CADM2: variants seen among roughly 807,000 people sequenced by gnomAD.
CADM2 encodes cell adhesion molecule 2.
In CADM2, 12 loss-of-function variants were observed where a neutral mutation model predicts 49.8. The observed-to-expected ratio is 0.24, with a 90% confidence interval of 0.15 to 0.39. CADM2 has a LOEUF of 0.39. Ranked by LOEUF, CADM2 falls within the 10% of genes least tolerant of loss-of-function variation. The pLI is 1.00. For synonymous variants in CADM2, 214 were observed against 175.4 expected (o/e 1.22, Z -1.74); for missense variants, 378 against 492.3 (o/e 0.77, Z 2.20).
chr3:85,878,677 G>A (rs1404182498), intron 3 of CADM2, among the ~76,000 whole-genome samples: 8 of 152,002 alleles, frequency 5.3e-5, no homozygotes, highest in Non-Finnish European at 1.2e-4. Flanking sequence ...CAAGTCTTTT[G>A]ATTTCAAATC....
chr3:85,960,212 T>C (rs576617372), intron 7 of CADM2, among the ~76,000 whole-genome samples: 2 of 152,128 alleles, frequency 1.3e-5, no homozygotes, highest in South Asian at 2.1e-4. Context: ...TCACAACTTT[T>C]ATCCCTTCTA....
intron 1 of CADM2, among the ~76,000 whole-genome samples, chr3:85,701,910 T>TAGAA (rs1302635676): frequency 7.5e-6 from 1 of 132,808 alleles, no homozygotes; most frequent in African/African-American, 2.9e-5. Context: ...GATAGATAGA[T>TAGAA]ATAAAGAAAA....
At chr3:85,044,360 A>G (rs530163142) in intron 1 of CADM2, among the ~76,000 whole-genome samples, 3 of 152,262 alleles carry the variant, frequency 2.0e-5, no homozygotes, top group South Asian at 4.1e-4. Flanking sequence ...TTAAAATGCA[A>G]TCCTCAAAGC....
At chr3:85,463,635 C>T (rs6549027) in intron 1 of CADM2, among the ~76,000 whole-genome samples, 117,151 of 152,050 alleles carry the variant, frequency 0.77, 47,442 homozygotes, top group East Asian at 0.95. Flanking sequence ...TCTTTACATT[C>T]CCATGTTCAA....
Position 85,518,399 on chromosome 3 carries a change from C to T in CADM2, c.62-208123C>T, listed in dbSNP as rs116373131. Among the ~76,000 whole-genome samples the T allele has an allele frequency of 8.7e-3, 1,316 of 151,092 alleles. 27 individuals carry two copies. The highest frequency in any genetic ancestry group is 0.031 in the African/African-American group (1,269 of 40,860). On this transcript the variant is annotated intron_variant, in intron 1 of 9. Transcript: ENST00000383699. Reference sequence around the variant, plus strand: ...TCTTTAACATTCATATTCTTACCAACATTTCGTTTAAAACAATCTAGGCTT... The same window carrying T: ...TCTTTAACATTCATATTCTTACCAATATTTCGTTTAAAACAATCTAGGCTT...
At chr3:85,905,040 C>T (rs1415233668) in intron 5 of CADM2, among the ~76,000 whole-genome samples, 1 of 152,088 alleles carries the variant, frequency 6.6e-6, no homozygotes, top group East Asian at 1.9e-4. Flanking sequence ...AAAGATTTAA[C>T]AGCTAGGTAT....
At chr3:85,354,206 T>C (rs1326828839) in intron 1 of CADM2, among the ~76,000 whole-genome samples, 1 of 151,754 alleles carries the variant, frequency 6.6e-6, no homozygotes, top group Admixed American at 6.6e-5. Flanking sequence ...CAACCAATAT[T>C]TAGAAAATTC....
intron 1 of CADM2, among the ~76,000 whole-genome samples, chr3:85,569,701 C>CCA (rs2062420067): frequency 1.7e-5 from 2 of 114,748 alleles, no homozygotes; most frequent in Non-Finnish European, 3.3e-5. Context: ...TTTCTAATGG[C>CCA]AAAAAAAAAA....
At chr3:85,071,318 C>T (rs551754994) in intron 1 of CADM2, among the ~76,000 whole-genome samples, 5 of 151,938 alleles carry the variant, frequency 3.3e-5, no homozygotes, top group Admixed American at 6.6e-5. Flanking sequence ...AGATTTGCTT[C>T]AGGGATAGTT....
At chr3:85,867,825 G>A (rs960676461) in intron 3 of CADM2, among the ~76,000 whole-genome samples, 10 of 152,148 alleles carry the variant, frequency 6.6e-5, no homozygotes, top group African/African-American at 2.2e-4. Flanking sequence ...AGACCTTCAC[G>A]TGATTGATAT....
intron 1 of CADM2, among the ~76,000 whole-genome samples, chr3:85,138,652 A>G (rs2039488404): frequency 6.6e-6 from 1 of 152,174 alleles, no homozygotes; most frequent in East Asian, 1.9e-4. Context: ...ATTAGTTGGC[A>G]AATGCTATGT....
chr3:85,852,273 C>T (rs1405001605), intron 3 of CADM2, among the ~76,000 whole-genome samples: 1 of 152,044 alleles, frequency 6.6e-6, no homozygotes, highest in Non-Finnish European at 1.5e-5. Context: ...AATAGGCACT[C>T]AATAAATGTT....
intron 5 of CADM2, among the ~76,000 whole-genome samples, chr3:85,889,013 A>C (rs1016796278): frequency 2.2e-4 from 33 of 152,146 alleles, no homozygotes; most frequent in Non-Finnish European, 4.4e-4. Context: ...AAATTCAATT[A>C]AATTCAATTC....
At chr3:85,727,508 T>C (rs1353378305) in intron 2 of CADM2, among the ~76,000 whole-genome samples, 1 of 152,190 alleles carries the variant, frequency 6.6e-6, no homozygotes, top group Non-Finnish European at 1.5e-5. Flanking sequence ...CAGTAAGTGT[T>C]GTGGAAAATC....
intron 1 of CADM2, among the ~76,000 whole-genome samples, chr3:85,166,341 TG>T (rs1275021173): frequency 6.6e-6 from 1 of 151,872 alleles, no homozygotes; most frequent in East Asian, 1.9e-4. Flanking sequence ...TCTGAAAATT[TG>T]GATATAACAT....
intron 1 of CADM2, among the ~76,000 whole-genome samples, chr3:85,611,247 A>G (rs1056864660): frequency 5.8e-5 from 6 of 103,762 alleles, no homozygotes; most frequent in African/African-American, 1.3e-4. Context: ...TATACTGCAA[A>G]TGTTTTTTTT....
intron 1 of CADM2, among the ~76,000 whole-genome samples, chr3:85,445,364 G>C (rs1179742904): frequency 6.6e-6 from 1 of 152,106 alleles, no homozygotes; most frequent in Non-Finnish European, 1.5e-5. Context: ...TTGTGCCACA[G>C]ATGTGAAATG....
At chr3:85,448,365 A>G (rs923995346) in intron 1 of CADM2, among the ~76,000 whole-genome samples, 6 of 151,358 alleles carry the variant, frequency 4.0e-5, no homozygotes, top group South Asian at 2.1e-4. Flanking sequence ...ATCCTAGCAA[A>G]TATATCTCAC....
chr3:85,652,759 C>CTTT (rs1161862688), intron 1 of CADM2, among the ~76,000 whole-genome samples: 1 of 55,874 alleles, frequency 1.8e-5, no homozygotes, highest in Non-Finnish European at 3.5e-5. Context: ...ACCTGAAAAT[C>CTTT]TTTTTTTCTT....
Sources: gnomAD v4.1 joint callset for allele counts (sites outside exome capture counted in the v4.1 genomes callset) on GRCh38, gnomAD v4.1.1 for gene constraint, MANE v1.5 for transcripts, NCBI Gene and HGNC (gene_info 2026-07-23, HGNC 2026-07-21) for gene names.